The following PIGU variants were observed in gnomAD, a reference collection of about 807,000 sequenced individuals.
The protein encoded by PIGU is GPI-anchor transamidase component PIGU.
PIGU carries 24 observed loss-of-function variants against 49.9 expected under a neutral mutation model. The ratio of observed to expected loss-of-function variants is 0.48; its 90% CI spans 0.35 to 0.68. PIGU has a LOEUF of 0.68. Ranked by LOEUF, PIGU falls within the 30% of genes least tolerant of loss-of-function variation. The probability of loss-of-function intolerance (pLI) is 0.01; values close to 1 mark genes in which losing one functional copy is unlikely to be tolerated. For synonymous variants in PIGU, 220 were observed against 205.7 expected (o/e 1.07, Z -0.59); for missense variants, 490 against 532.6 (o/e 0.92, Z 0.79).
chr20:34,624,172 TC>T (rs1368666966), intron 6 of PIGU, among the ~76,000 whole-genome samples: 1 of 152,176 alleles, frequency 6.6e-6, no homozygotes, highest in Non-Finnish European at 1.5e-5. Flanking sequence ...ACTCCTGGGC[TC>T]GAGTGATCTG....
rs1983470635 is a variant in PIGU at position 34,581,616 on chromosome 20, G to C, written c.983C>G (p.Ser328Cys). 1 of 1,614,014 alleles carries C rather than the reference G, an allele frequency of 6.2e-7. No individual in the cohort carries two copies. Among genetic ancestry groups the C allele is most frequent in the South Asian group, 1.1e-5 (1 of 91,062 alleles). ...IQIAVIAIFKSYPTVGDVALY... is the reference protein window; with the variant it reads ...IQIAVIAIFKCYPTVGDVALY... Reference sequence around the variant, plus strand: ...CGCCACGTCCCCCACTGTCGGGTAGGACTTAAAGATGGCGATGACAGCGAT... The same window carrying C: ...CGCCACGTCCCCCACTGTCGGGTAGCACTTAAAGATGGCGATGACAGCGAT... The change falls in exon 10 of 12, where the codon TCC (serine) becomes TGC (cysteine). Residue 328 changes from serine to cysteine, a missense_variant. Physicochemically the swap from Ser to Cys is moderately radical, Grantham distance 112 (BLOSUM62 -1). Transcript: ENST00000217446.
At position 34,575,385 on chromosome 20, in the gene PIGU, G is replaced by C. The variant is rs913154732; in HGVS notation, c.1052-139C>G. The C allele has an allele frequency of 4.0e-6, 4 of 995,556 alleles. No homozygotes were observed. In the African/African-American group the frequency reaches 5.0e-5, roughly 12 times the overall value. The allele number at this position is 995,556 out of a possible 1,614,324, so 61.7% of individuals were successfully genotyped here. A position where few individuals can be genotyped will look rare whatever the true frequency, so the allele number is the denominator to read the frequency against. ...GCAGAGCACCCCCAGAGGTACTGGG[G>C]TGCCAAGAAGCAAACCCCAGACTCC... On this transcript the variant is annotated intron_variant, in intron 10 of 11. Coordinates refer to ENST00000217446, the MANE Select transcript of PIGU (RefSeq NM_080476.5).
intron 4 of PIGU, among the ~76,000 whole-genome samples, chr20:34,641,139 G>A (rs1986147296): frequency 6.6e-6 from 1 of 151,944 alleles, no homozygotes; most frequent in African/African-American, 2.4e-5. Context: ...GGCTGGTCTT[G>A]AACTCCTGAC....
intron 4 of PIGU, 45 bp downstream of exon 4, chr20:34,644,119 G>A (rs753250072): frequency 5.3e-6 from 8 of 1,505,264 alleles, no homozygotes; most frequent in East Asian, 2.3e-5. Context: ...AAGACCAGAA[G>A]GTTACCAAAT....
At chr20:34,609,986 G>T (rs1408986420) in intron 7 of PIGU, among the ~76,000 whole-genome samples, 1 of 152,118 alleles carries the variant, frequency 6.6e-6, no homozygotes, top group Admixed American at 6.5e-5. Flanking sequence ...GAAGGTGGAC[G>T]TGTTTGCTTC....
rs142929319 is a variant in PIGU, at chr20:34,603,861, G to GACACACACACACAC, written c.627+12167_627+12180dup. 7.0e-3 allele frequency among the ~76,000 whole-genome samples: 1,007 copies of GACACACACACACAC among 143,870 alleles called. 19 individuals carry two copies. Among genetic ancestry groups the GACACACACACACAC allele is most frequent in the African/African-American group, 0.021 (819 of 38,590 alleles). The allele number at this position is 143,870 out of a possible 152,430, so 94.4% of individuals were successfully genotyped here. On this transcript the variant is annotated intron_variant, in intron 7 of 11. Coordinates refer to ENST00000217446, the MANE Select transcript of PIGU (RefSeq NM_080476.5). The stretch of plus-strand genomic sequence containing the variant: ...TTGTTTCTAGACCTTTTAGTGGACA[G>GACACACACACACAC]ACACACACACACACACACACACACA...
chr20:34,615,508 T>C (rs1024546322), intron 7 of PIGU, among the ~76,000 whole-genome samples: 1 of 152,254 alleles, frequency 6.6e-6, no homozygotes, highest in African/African-American at 2.4e-5. Context: ...AGGATATGCA[T>C]ATAGTAGTGC....
chr20:34,605,906 T>C (rs1299343178), intron 7 of PIGU, among the ~76,000 whole-genome samples: 1 of 152,172 alleles, frequency 6.6e-6, no homozygotes, highest in African/African-American at 2.4e-5. Flanking sequence ...TGCACACAGT[T>C]GTGCAAAATA....
chr20:34,605,930 A>G (rs1342484122), intron 7 of PIGU, among the ~76,000 whole-genome samples: 1 of 152,170 alleles, frequency 6.6e-6, no homozygotes, highest in Non-Finnish European at 1.5e-5. Flanking sequence ...ACATTCTCCT[A>G]TATACCATAA....
At chr20:34,593,315 G>A (rs1259193115) in intron 7 of PIGU, among the ~76,000 whole-genome samples, 2 of 143,848 alleles carry the variant, frequency 1.4e-5, no homozygotes, top group Non-Finnish European at 3.0e-5. Context: ...TCTAGCCTGG[G>A]CAACAGAGCG....
chr20:34,641,296 G>T lies in PIGU; in HGVS notation c.318+2868C>A, dbSNP rs190356577. ...AAAACTATGGTGGGGTCGGGGAGAG[G>T]AAACACTCCACCCCTGTCCCTACTC... is the stretch of plus-strand genomic sequence containing the variant. On this transcript the variant is annotated intron_variant, in intron 4 of 11. Transcript: ENST00000217446. 3.3e-5 allele frequency among the ~76,000 whole-genome samples: 5 copies of T among 152,206 alleles called. No individual in the cohort carries two copies. In the East Asian group the frequency reaches 9.7e-4, roughly 29 times the overall value.
intron 4 of PIGU, 155 bp downstream of exon 4, chr20:34,644,009 T>G: frequency 1.7e-6 from 1 of 593,594 alleles, no homozygotes; most frequent in Non-Finnish European, 3.0e-6. Flanking sequence ...GGTTTGGGGT[T>G]GATCATTCCA....
intron 1 of PIGU, among the ~76,000 whole-genome samples, chr20:34,662,029 T>C (rs1047823088): frequency 7.2e-5 from 11 of 152,162 alleles, no homozygotes; most frequent in South Asian, 4.1e-4. Context: ...GTTGGCCACA[T>C]GCATGTCTTC....
intron 6 of PIGU, among the ~76,000 whole-genome samples, chr20:34,617,844 G>T (rs1053115852): frequency 6.6e-6 from 1 of 152,184 alleles, no homozygotes; most frequent in African/African-American, 2.4e-5. Context: ...GAGGGACCCA[G>T]GGGAAGGTAA....
intron 6 of PIGU, among the ~76,000 whole-genome samples, chr20:34,620,555 T>TA (rs1272985757): frequency 5.9e-5 from 9 of 152,084 alleles, no homozygotes; most frequent in Admixed American, 5.9e-4. Context: ...CTCATGCCTG[T>TA]AATCCCAGCA....
intron 7 of PIGU, among the ~76,000 whole-genome samples, chr20:34,603,292 A>G (rs1984499113): frequency 6.6e-6 from 1 of 152,210 alleles, no homozygotes. Context: ...TACCTAGACC[A>G]TAAGGGGTTG....
intron 7 of PIGU, among the ~76,000 whole-genome samples, chr20:34,605,710 C>T (rs997695254): frequency 6.6e-6 from 1 of 152,114 alleles, no homozygotes; most frequent in African/African-American, 2.4e-5. Context: ...CTCTATTTCC[C>T]TCTTTTTTAT....
chr20:34,628,740 A>G (rs1985588045), intron 6 of PIGU, among the ~76,000 whole-genome samples: 1 of 152,130 alleles, frequency 6.6e-6, no homozygotes, highest in Non-Finnish European at 1.5e-5. Flanking sequence ...AGTCCCAGCT[A>G]CTTGAGAAGT....
At chr20:34,578,277 T>C (rs1983317531) in intron 10 of PIGU, among the ~76,000 whole-genome samples, 1 of 152,188 alleles carries the variant, frequency 6.6e-6, no homozygotes, top group Non-Finnish European at 1.5e-5. Flanking sequence ...TCAAGCCTCC[T>C]GAGACCTCCC....
Sources: allele counts gnomAD v4.1 joint callset (sites outside exome capture counted in the v4.1 genomes callset), GRCh38; gene constraint gnomAD v4.1.1; transcripts MANE v1.5; gene names NCBI Gene and HGNC (gene_info 2026-07-23, HGNC 2026-07-21).